Variants in PANX1 observed in about 807,000 individuals in gnomAD.
PANX1 encodes the protein pannexin-1.
Under a neutral mutation model 38.7 loss-of-function variants are expected in PANX1, and 30 were observed. The observed-to-expected ratio is 0.78, with a 90% CI of 0.58 to 1.05. PANX1 has a LOEUF of 1.05. PANX1 is among the 50% of genes least tolerant of loss of function. The probability of loss-of-function intolerance (pLI) is 0.00; values close to 1 mark genes in which losing one functional copy is unlikely to be tolerated. For missense variants in PANX1, 551 were observed against 517.2 expected (o/e 1.07, Z -0.63); for synonymous variants, 230 against 212.2 (o/e 1.08, Z -0.73).
chr11:94,166,007 GAAAAT>G (rs1157981446), intron 2 of PANX1, among the ~76,000 whole-genome samples: 1 of 151,936 alleles, frequency 6.6e-6, no homozygotes, highest in Non-Finnish European at 1.5e-5. Flanking sequence ...CAATTACAAT[GAAAAT>G]AAAAAAACAA....
intron 1 of PANX1, among the ~76,000 whole-genome samples, chr11:94,146,630 A>G (rs563290234): frequency 3.9e-5 from 6 of 152,320 alleles, no homozygotes; most frequent in East Asian, 3.9e-4. Context: ...CCTGCCAGCA[A>G]TGCAGAATCT....
intron 2 of PANX1, among the ~76,000 whole-genome samples, chr11:94,171,871 C>T (rs1301610504): frequency 6.7e-6 from 1 of 148,990 alleles, no homozygotes; most frequent in East Asian, 2.0e-4. Flanking sequence ...GGGGGGCACC[C>T]AGTAGGTGGC....
At chr11:94,156,837 TTTAACA>T (rs1370254603) in intron 2 of PANX1, among the ~76,000 whole-genome samples, 1 of 151,990 alleles carries the variant, frequency 6.6e-6, no homozygotes, top group East Asian at 1.9e-4. Flanking sequence ...TAACTCGTCA[TTTAACA>T]TTAGGTATAC....
At chr11:94,166,373 T>C (rs1206121582) in intron 2 of PANX1, among the ~76,000 whole-genome samples, 1 of 152,212 alleles carries the variant, frequency 6.6e-6, no homozygotes, top group Non-Finnish European at 1.5e-5. Context: ...AGCTTTTGTT[T>C]GTCTGGGAAA....
chr11:94,154,250 C>T (rs1046055800), intron 2 of PANX1, among the ~76,000 whole-genome samples: 2 of 152,174 alleles, frequency 1.3e-5, no homozygotes, highest in Non-Finnish European at 2.9e-5. Context: ...CACTCCACTT[C>T]CCATAGAGAA....
At chr11:94,141,829 A>G (rs1946765026) in intron 1 of PANX1, among the ~76,000 whole-genome samples, 1 of 152,184 alleles carries the variant, frequency 6.6e-6, no homozygotes, top group South Asian at 2.1e-4. Flanking sequence ...TAAATGGGGC[A>G]GTAATAGAAT....
At chr11:94,142,185 T>C (rs4753127) in intron 1 of PANX1, among the ~76,000 whole-genome samples, 79,269 of 152,030 alleles carry the variant, frequency 0.52, 21,394 homozygotes, top group African/African-American at 0.65. Flanking sequence ...CCGGCTCTGC[T>C]GCCCTAGGAT....
chr11:94,171,845 TAC>T (rs1947172446), intron 2 of PANX1, among the ~76,000 whole-genome samples: 1 of 150,268 alleles, frequency 6.7e-6, no homozygotes, highest in African/African-American at 2.5e-5. Flanking sequence ...GAGATGTGGG[TAC>T]AGTCTCGGGG....
intron 2 of PANX1, among the ~76,000 whole-genome samples, chr11:94,157,339 T>G (rs553533714): frequency 3.3e-5 from 5 of 152,296 alleles, no homozygotes; most frequent in Admixed American, 3.3e-4. Context: ...TTGAACTAGT[T>G]TACAGTCCCA....
intron 1 of PANX1, among the ~76,000 whole-genome samples, chr11:94,142,850 A>G (rs996891956): frequency 6.6e-6 from 1 of 152,198 alleles, no homozygotes; most frequent in Admixed American, 6.5e-5. Flanking sequence ...AAACGGGAAG[A>G]ATGGAGCCCT....
intron 1 of PANX1, among the ~76,000 whole-genome samples, chr11:94,151,825 C>CA (rs1946885719): frequency 2.0e-5 from 3 of 152,242 alleles, no homozygotes; most frequent in Admixed American, 2.0e-4. Context: ...AGAACACTTG[C>CA]TGATGTTTGT....
chr11:94,153,736 G>A, intron 2 of PANX1, 106 bp downstream of exon 2: 1 of 1,038,076 alleles, frequency 9.6e-7, no homozygotes, highest in Non-Finnish European at 1.4e-6. Context: ...GCCAACCAGT[G>A]CTGTATCTCA....
At chr11:94,143,571 A>C (rs963479867) in intron 1 of PANX1, among the ~76,000 whole-genome samples, 1 of 152,174 alleles carries the variant, frequency 6.6e-6, no homozygotes, top group African/African-American at 2.4e-5. Context: ...TACTAATAAG[A>C]AAACCTCAGA....
chr11:94,148,815 G>C (rs1368648968), intron 1 of PANX1, among the ~76,000 whole-genome samples: 1 of 152,088 alleles, frequency 6.6e-6, no homozygotes, highest in Non-Finnish European at 1.5e-5. Flanking sequence ...CATATTCTCT[G>C]TTTTCCCTTT....
rs1264960104 is a variant in PANX1, at chr11:94,153,483, C to T, written c.182-8C>T. On this transcript the variant is annotated splice_region_variant and splice_polypyrimidine_tract_variant and intron_variant, in intron 1 of 4. Transcript: ENST00000227638. ...TTTTCATTGGAAACTATCTGTTTTG[C>T]TTCTTAGGTACACAGATAAGCTGTT... 6.2e-7 allele frequency: 1 copy of T among 1,613,610 alleles called. No individual in the cohort carries two copies.
chr11:94,153,078 C>T (rs941003127), intron 1 of PANX1, among the ~76,000 whole-genome samples: 1 of 152,138 alleles, frequency 6.6e-6, no homozygotes, highest in African/African-American at 2.4e-5. Flanking sequence ...TCTAAAAGAA[C>T]TTGTTTTTTT....
chr11:94,136,583 A>AT (rs1946694171), intron 1 of PANX1, among the ~76,000 whole-genome samples: 1 of 152,052 alleles, frequency 6.6e-6, no homozygotes, highest in African/African-American at 2.4e-5. Context: ...GATCGAGACC[A>AT]CGGTGAAACC....
chr11:94,178,320 A>C (rs1947258580), intron 2 of PANX1, 49 bp from the exon 3 acceptor site: 2 of 1,378,946 alleles, frequency 1.5e-6, no homozygotes, highest in Non-Finnish European at 2.1e-6. Context: ...GCCATAGGTT[A>C]CTGCATGGGG....
intron 2 of PANX1, among the ~76,000 whole-genome samples, chr11:94,163,673 C>T (rs965514586): frequency 6.6e-6 from 1 of 152,132 alleles, no homozygotes; most frequent in African/African-American, 2.4e-5. Flanking sequence ...GAGGTATTGG[C>T]TTATAATTTT....
Sources: allele counts gnomAD v4.1 joint callset (sites outside exome capture counted in the v4.1 genomes callset), GRCh38; gene constraint gnomAD v4.1.1; transcripts MANE v1.5; gene names NCBI Gene and HGNC (gene_info 2026-07-23, HGNC 2026-07-21).